Variants in CFI observed in about 807,000 individuals in gnomAD.
CFI encodes C3B/C4B inactivator.
Under a neutral mutation model 78.8 loss-of-function variants are expected in CFI, and 66 were observed. The ratio of observed to expected loss-of-function variants is 0.84; its 90% CI spans 0.69 to 1.03. CFI has a LOEUF of 1.03. Ranked by LOEUF, CFI falls within the 50% of genes least tolerant of loss-of-function variation. The pLI is 0.00. For synonymous variants in CFI, 250 were observed against 232.6 expected, an observed-to-expected ratio of 1.07 and a Z score of -0.68; for missense variants, 706 against 704.5, an observed-to-expected ratio of 1.00 and a Z score of -0.02.
In CFI at chr4:109,781,948, A is replaced by G. The variant is rs199954248; in HGVS notation, c.58-15124T>C. Among the ~76,000 whole-genome samples the G allele has an allele frequency of 2.0e-5, 3 of 152,274 alleles. No homozygotes were observed. In the East Asian group the frequency reaches 5.8e-4, roughly 29 times the overall value. Reference sequence around the variant, plus strand: ...AGTAGATGCAGAAAAAGCATTCGACAAAATCTAACATCGCTTTAGGATTAA... The same window carrying G: ...AGTAGATGCAGAAAAAGCATTCGACGAAATCTAACATCGCTTTAGGATTAA... On this transcript the variant is annotated intron_variant, in intron 1 of 12. Coordinates refer to ENST00000394634, the MANE Select transcript of CFI (RefSeq NM_000204.5).
intron 1 of CFI, among the ~76,000 whole-genome samples, chr4:109,771,209 G>A (rs1466128491): frequency 6.6e-6 from 1 of 151,216 alleles, no homozygotes; most frequent in Admixed American, 6.6e-5. Context: ...GGCCAGCATG[G>A]TGAAACCCCA....
At chr4:109,795,153 G>C (rs1274155816) in intron 1 of CFI, among the ~76,000 whole-genome samples, 1 of 152,140 alleles carries the variant, frequency 6.6e-6, no homozygotes, top group African/African-American at 2.4e-5. Flanking sequence ...GCTCTCTTGT[G>C]GGGGAAAAAG....
chr4:109,731,850 C>T, the CFI span, among the ~76,000 whole-genome samples: 2 of 152,170 alleles, frequency 1.3e-5, no homozygotes, highest in African/African-American at 4.8e-5. Flanking sequence ...TCACAAAATA[C>T]CACAGATATT....
At chr4:109,792,300 C>T (rs1731478215) in intron 1 of CFI, among the ~76,000 whole-genome samples, 1 of 152,006 alleles carries the variant, frequency 6.6e-6, no homozygotes, top group Non-Finnish European at 1.5e-5. Flanking sequence ...TATTTCTGGT[C>T]AGGCACAGTG....
chr4:109,738,959 T>TATGGGAG (rs1723542124), downstream of CFI, among the ~76,000 whole-genome samples: 2 of 152,160 alleles, frequency 1.3e-5, no homozygotes, highest in Non-Finnish European at 2.9e-5. Context: ...GTTTAATAGA[T>TATGGGAG]ATGAAGTTTC....
intron 10 of CFI, among the ~76,000 whole-genome samples, chr4:109,747,328 G>C (rs1724596608): frequency 6.7e-6 from 1 of 149,964 alleles, no homozygotes; most frequent in Admixed American, 6.8e-5. Context: ...AGAACTACAG[G>C]CATGTGCCAC....
At chr4:109,777,884 T>A (rs946996558) in intron 1 of CFI, among the ~76,000 whole-genome samples, 2 of 152,044 alleles carry the variant, frequency 1.3e-5, no homozygotes, top group African/African-American at 4.8e-5. Flanking sequence ...GAATGACTAC[T>A]GGGTACATAA....
chr4:109,792,432 C>A (rs570372019), intron 1 of CFI, among the ~76,000 whole-genome samples: 4 of 151,986 alleles, frequency 2.6e-5, no homozygotes, highest in Non-Finnish European at 4.4e-5. Flanking sequence ...ACAAATTAGC[C>A]GGGCGTGGTG....
At chr4:109,752,877 A>G (rs1725308821) in intron 7 of CFI, among the ~76,000 whole-genome samples, 1 of 126,646 alleles carries the variant, frequency 7.9e-6, no homozygotes, top group Non-Finnish European at 1.6e-5. Context: ...TATATATAAA[A>G]TATTATATAA....
At chr4:109,735,745 CAGG>C (rs1321680694), downstream of CFI, among the ~76,000 whole-genome samples, 1 of 152,168 alleles carries the variant, frequency 6.6e-6, no homozygotes, top group Non-Finnish European at 1.5e-5. Flanking sequence ...CGGGGTAAAG[CAGG>C]AGGATCTTTA....
chr4:109,800,667 T>C (rs1310295552), intron 1 of CFI, among the ~76,000 whole-genome samples: 2 of 152,104 alleles, frequency 1.3e-5, no homozygotes, highest in Non-Finnish European at 2.9e-5. Context: ...AGTAATCTTA[T>C]TAGCCAATGA....
chr4:109,789,222 G>A (rs1349313353), intron 1 of CFI, among the ~76,000 whole-genome samples: 1 of 151,880 alleles, frequency 6.6e-6, no homozygotes, highest in Non-Finnish European at 1.5e-5. Flanking sequence ...AAGTAGCCTA[G>A]TACATATGTA....
chr4:109,764,950 G>T (rs1294720990), intron 2 of CFI, among the ~76,000 whole-genome samples: 6 of 152,112 alleles, frequency 3.9e-5, no homozygotes, highest in African/African-American at 1.4e-4. Context: ...TTTTACACAA[G>T]GAACCTCTAG....
chr4:109,780,408 A>C (rs1029945172), intron 1 of CFI, among the ~76,000 whole-genome samples: 2 of 152,222 alleles, frequency 1.3e-5, no homozygotes, highest in Non-Finnish European at 2.9e-5. Context: ...GCTCATCATC[A>C]CTGGCCATCA....
In CFI at chr4:109,764,642, A is replaced by C; in HGVS notation, c.377T>G (p.Ile126Arg). 2 of 1,614,094 alleles carry C rather than the reference A, an allele frequency of 1.2e-6. No homozygotes were observed. The highest frequency in any genetic ancestry group is 1.7e-6 in the Non-Finnish European group (2 of 1,179,974). ...TTGGTCCACAAGTTTTACTTCAACTATTCCCTCTGAATCTGTATTTCCATG... is the reference window on the plus strand; with the variant it reads ...TTGGTCCACAAGTTTTACTTCAACTCTTCCCTCTGAATCTGTATTTCCATG... Reference protein sequence around the residue: ...LKHGNTDSEGIVEVKLVDQDK... With the variant: ...LKHGNTDSEGRVEVKLVDQDK... Residue 126 changes from isoleucine (I) to arginine (R), a missense_variant, in exon 3 of 13, where the codon ATA (isoleucine) becomes AGA (arginine). Coordinates refer to ENST00000394634, the MANE Select transcript of CFI (RefSeq NM_000204.5).
At chr4:109,771,077 C>T (rs750353803) in intron 1 of CFI, among the ~76,000 whole-genome samples, 3 of 151,928 alleles carry the variant, frequency 2.0e-5, no homozygotes, top group Non-Finnish European at 4.4e-5. Context: ...GATCTGATGT[C>T]CTTATGCTTT....
intron 1 of CFI, among the ~76,000 whole-genome samples, chr4:109,780,474 G>A (rs562770096): frequency 7.9e-5 from 12 of 152,122 alleles, no homozygotes; most frequent in African/African-American, 1.4e-4. Flanking sequence ...TTAGAATGGC[G>A]ATCATTAAAA....
rs553666839 is a variant in CFI at position 109,770,508 on chromosome 4, A to T, written c.58-3684T>A. Among the ~76,000 whole-genome samples the T allele has an allele frequency of 2.0e-3, 307 of 150,852 alleles. 3 individuals are homozygous for T. Among genetic ancestry groups the T allele is most frequent in the Non-Finnish European group, 6.9e-4 (47 of 67,818 alleles). Reference sequence around the variant, plus strand: ...GAGGTGGAGTTTGCAGTGAGCGGAGACCGCACCACTGCACTCCAACCTGGA... The same window carrying T: ...GAGGTGGAGTTTGCAGTGAGCGGAGTCCGCACCACTGCACTCCAACCTGGA... On this transcript the variant is annotated intron_variant, in intron 1 of 12. Transcript: ENST00000394634.
chr4:109,753,545 TATTTATTATATAAATAA>T lies in CFI; in HGVS notation c.905-1059_905-1043del, dbSNP rs1222270528. Among the ~76,000 whole-genome samples, 161 of 17,754 alleles carry T rather than the reference TATTTATTATATAAATAA, an allele frequency of 9.1e-3. 2 individuals carry two copies. Among genetic ancestry groups the T allele is most frequent in the African/African-American group, 0.022 (148 of 6,628 alleles). 11.6% of individuals were successfully genotyped at this position (17,754 alleles called of 152,430 possible). A position where few individuals can be genotyped will look rare whatever the true frequency, so the allele number is the denominator to read the frequency against. On this transcript the variant is annotated intron_variant, in intron 7 of 12. Coordinates refer to ENST00000394634, the MANE Select transcript of CFI (RefSeq NM_000204.5). ...ATATTTATAATAAATATTTATAATATATTTATTATATAAATAAATATTTATAATATATATTTATTATA... is the reference window on the plus strand; with the variant it reads ...ATATTTATAATAAATATTTATAATATATATTTATAATATATATTTATTATA...
Sources: allele counts gnomAD v4.1 joint callset (sites outside exome capture counted in the v4.1 genomes callset), GRCh38; gene constraint gnomAD v4.1.1; transcripts MANE v1.5; gene names NCBI Gene and HGNC (gene_info 2026-07-23, HGNC 2026-07-21).